Variants in STAG1 observed in about 807,000 individuals in gnomAD.
STAG1 encodes STAG1 cohesin complex component.
In STAG1, 26 loss-of-function variants were observed where a neutral mutation model predicts 170.9. The observed-to-expected ratio is 0.15, with a 90% confidence interval of 0.11 to 0.21. The LOEUF (loss-of-function observed/expected upper bound fraction) is 0.21, where lower values mean the gene tolerates loss of function less well. STAG1 is among the 10% of genes least tolerant of loss of function. The pLI is 1.00. For missense variants in STAG1, 964 were observed against 1,509.5 expected, an observed-to-expected ratio of 0.64 and a Z score of 5.99; for synonymous variants, 514 against 497.7, an observed-to-expected ratio of 1.03 and a Z score of -0.44.
intron 6 of STAG1, among the ~76,000 whole-genome samples, chr3:136,522,178 T>C (rs1272622134): frequency 6.6e-6 from 1 of 152,216 alleles, no homozygotes; most frequent in Non-Finnish European, 1.5e-5. Context: ...TCTCAATGTG[T>C]AGCTTTTTGT....
intron 18 of STAG1, 74 bp downstream of exon 18, chr3:136,422,694 T>A: frequency 2.0e-6 from 3 of 1,521,610 alleles, no homozygotes; most frequent in South Asian, 2.4e-5. Context: ...AAATAACAAG[T>A]CTATAAGAGT....
intron 1 of STAG1, among the ~76,000 whole-genome samples, chr3:136,632,364 T>G (rs1940364469): frequency 6.6e-6 from 1 of 152,160 alleles, no homozygotes; most frequent in African/African-American, 2.4e-5. Context: ...GAAGGCACTA[T>G]GGCGTCTTTT....
intron 1 of STAG1, among the ~76,000 whole-genome samples, chr3:136,711,499 T>C (rs1943380126): frequency 6.6e-6 from 1 of 151,692 alleles, no homozygotes; most frequent in African/African-American, 2.4e-5. Context: ...AGGTCAAGGC[T>C]ACAGTACACT....
chr3:136,423,566 T>C (rs537047625), intron 16 of STAG1, among the ~76,000 whole-genome samples: 2 of 152,342 alleles, frequency 1.3e-5, no homozygotes, highest in African/African-American at 4.8e-5. Flanking sequence ...TAGTTTGTGC[T>C]CATGGAACAA....
chr3:136,693,738 A>AT (rs36012928), intron 1 of STAG1, among the ~76,000 whole-genome samples: 221 of 147,178 alleles, frequency 1.5e-3, no homozygotes, highest in African/African-American at 2.5e-3. Context: ...TCAGCTAATT[A>AT]TTTTTTTTTT....
At chr3:136,569,411 C>CAA (rs1199366699) in intron 4 of STAG1, among the ~76,000 whole-genome samples, 16 of 86,074 alleles carry the variant, frequency 1.9e-4, no homozygotes, top group Non-Finnish European at 3.5e-4. Context: ...GTAGCCAATC[C>CAA]AAAAAAAAAA....
At chr3:136,402,428 G>C (rs1018183104) in intron 21 of STAG1, among the ~76,000 whole-genome samples, 2 of 151,826 alleles carry the variant, frequency 1.3e-5, no homozygotes, top group Non-Finnish European at 2.9e-5. Context: ...ATGTTGGCCA[G>C]GCTGGTCTCG....
At chr3:136,344,125 G>T in intron 29 of STAG1, 119 bp from the exon 30 acceptor site, 2 of 642,520 alleles carry the variant, frequency 3.1e-6, no homozygotes, top group Non-Finnish European at 4.9e-6. Context: ...TTAAATCTCA[G>T]TTCCACCACT....
At chr3:136,622,135 T>TAAA (rs75542452) in intron 3 of STAG1, among the ~76,000 whole-genome samples, 35 of 92,736 alleles carry the variant, frequency 3.8e-4, no homozygotes, top group East Asian at 5.8e-4. Flanking sequence ...CCATCTCTAC[T>TAAA]AAAAAAAAAA....
intron 22 of STAG1, among the ~76,000 whole-genome samples, chr3:136,391,099 C>G (rs1046658408): frequency 6.6e-6 from 1 of 152,138 alleles, no homozygotes; most frequent in Admixed American, 6.5e-5. Flanking sequence ...CTAAATACCT[C>G]AATAATAATT....
chr3:136,579,958 A>ATTTTTTTTTTTTTTT lies in STAG1; in HGVS notation c.298-11112_298-11098dup, dbSNP rs749325884. ...CTATTTTGGTCACAATACCATCTGA[A>ATTTTTTTTTTTTTTT]TTTTTTTTTTTTTTTTTTTTTTTTT... is the stretch of plus-strand genomic sequence containing the variant. On this transcript the variant is annotated intron_variant, in intron 4 of 33. Transcript: ENST00000383202. 9.1e-4 allele frequency among the ~76,000 whole-genome samples: 67 copies of ATTTTTTTTTTTTTTT among 73,646 alleles called. 6 individuals carry two copies. The highest frequency in any genetic ancestry group is 1.9e-3 in the African/African-American group (33 of 17,064). The allele number at this position is 73,646 out of a possible 152,430, so 48.3% of individuals were successfully genotyped here.
intron 14 of STAG1, among the ~76,000 whole-genome samples, chr3:136,444,914 G>A (rs186033559): frequency 2.0e-5 from 3 of 152,108 alleles, no homozygotes; most frequent in Admixed American, 2.0e-4. Context: ...AGCCTGGAGT[G>A]CACTGGCACA....
At chr3:136,357,942 T>A in intron 27 of STAG1, 94 bp from the exon 28 acceptor site, 1 of 1,069,048 alleles carries the variant, frequency 9.4e-7, no homozygotes, top group Non-Finnish European at 1.4e-6. Flanking sequence ...GTAGTAAAAT[T>A]ATCACAAAAG....
chr3:136,562,112 ATAC>A (rs1375381747), intron 5 of STAG1, among the ~76,000 whole-genome samples: 4 of 152,328 alleles, frequency 2.6e-5, no homozygotes, highest in East Asian at 1.9e-4. Flanking sequence ...ATAACAATTG[ATAC>A]TACATGTATG....
At chr3:136,355,594 A>G (rs560398016) in intron 28 of STAG1, among the ~76,000 whole-genome samples, 19 of 152,282 alleles carry the variant, frequency 1.2e-4, no homozygotes, top group Admixed American at 4.6e-4. Flanking sequence ...ACACACATCT[A>G]CAGAACAAAA....
intron 4 of STAG1, among the ~76,000 whole-genome samples, chr3:136,576,944 G>A (rs188986322): frequency 2.2e-4 from 34 of 152,220 alleles, no homozygotes; most frequent in South Asian, 2.1e-4. Context: ...AAGTAGATTC[G>A]TTTGCTTTGG....
At chr3:136,510,612 T>C (rs1340842450) in intron 7 of STAG1, among the ~76,000 whole-genome samples, 1 of 150,348 alleles carries the variant, frequency 6.7e-6, no homozygotes, top group African/African-American at 2.5e-5. Flanking sequence ...GGGATGTCTT[T>C]GTTTTTTTTT....
intron 1 of STAG1, among the ~76,000 whole-genome samples, chr3:136,643,791 G>A (rs1940888992): frequency 6.6e-6 from 1 of 152,148 alleles, no homozygotes; most frequent in Non-Finnish European, 1.5e-5. Context: ...TTATAGGTAT[G>A]AGCCACTGCG....
intron 5 of STAG1, among the ~76,000 whole-genome samples, chr3:136,546,077 A>T (rs1374979838): frequency 3.3e-5 from 5 of 152,214 alleles, no homozygotes; most frequent in African/African-American, 1.2e-4. Context: ...AGCTTGTTTG[A>T]GCCATGCTAG....
Sources: gnomAD v4.1 joint callset for allele counts (sites outside exome capture counted in the v4.1 genomes callset) on GRCh38, gnomAD v4.1.1 for gene constraint, MANE v1.5 for transcripts, NCBI Gene and HGNC (gene_info 2026-07-23, HGNC 2026-07-21) for gene names.